The following SPATA13 variants were observed in gnomAD, a reference collection of about 807,000 sequenced individuals.
SPATA13 encodes the protein spermatogenesis associated 13.
SPATA13 carries 50 observed loss-of-function variants against 104.0 expected under a neutral mutation model. The ratio of observed to expected loss-of-function variants is 0.48; its 90% CI spans 0.38 to 0.61. SPATA13 has a LOEUF of 0.61. Among genes scored for constraint, SPATA13 ranks in the 20% least tolerant of loss-of-function variants. The probability of loss-of-function intolerance (pLI) is 0.00; values close to 1 mark genes in which losing one functional copy is unlikely to be tolerated. For synonymous variants in SPATA13, 606 were observed against 667.5 expected, an observed-to-expected ratio of 0.91 and a Z score of 1.42; for missense variants, 1,524 against 1,690.6, an observed-to-expected ratio of 0.90 and a Z score of 1.73.
chr13:24,249,944 C>G, intron 3 of SPATA13, 102 bp downstream of exon 3: 1 of 1,460,006 alleles, frequency 6.8e-7, no homozygotes, highest in Non-Finnish European at 9.2e-7. Context: ...CTCTCCCGTT[C>G]TCAAGGGCGG....
At chr13:24,060,807 A>G (rs1878745667) in intron 3 of SPATA13, among the ~76,000 whole-genome samples, 1 of 152,228 alleles carries the variant, frequency 6.6e-6, no homozygotes, top group Non-Finnish European at 1.5e-5. Context: ...TCATGCCTGT[A>G]ATCCCAGTAC....
intron 1 of SPATA13, among the ~76,000 whole-genome samples, chr13:24,177,970 C>T (rs1868535418): frequency 6.6e-6 from 1 of 152,122 alleles, no homozygotes; most frequent in South Asian, 2.1e-4. Flanking sequence ...GATCCTCCTG[C>T]CTCAGCCTCC....
chr13:24,041,399 T>C (rs1877923976), intron 3 of SPATA13, among the ~76,000 whole-genome samples: 1 of 152,232 alleles, frequency 6.6e-6, no homozygotes, highest in Non-Finnish European at 1.5e-5. Context: ...GCATAATCCA[T>C]GATGCCTATG....
At chr13:23,997,738 G>A (rs1485476595) in intron 2 of SPATA13, among the ~76,000 whole-genome samples, 1 of 152,068 alleles carries the variant, frequency 6.6e-6, no homozygotes, top group Non-Finnish European at 1.5e-5. Flanking sequence ...AGGGAACAAG[G>A]GAGTGAGGGG....
intron 3 of SPATA13, among the ~76,000 whole-genome samples, chr13:24,140,183 G>C (rs930161860): frequency 2.0e-5 from 3 of 152,188 alleles, no homozygotes; most frequent in African/African-American, 7.2e-5. Context: ...CATTGTAGGG[G>C]TACACAGTTC....
intron 8 of SPATA13, among the ~76,000 whole-genome samples, chr13:24,290,310 A>G (rs1234421334): frequency 6.6e-6 from 1 of 152,224 alleles, no homozygotes; most frequent in Non-Finnish European, 1.5e-5. Flanking sequence ...CAGCGAGTTG[A>G]AAAAATTTGT....
chr13:23,991,331 T>A (rs1875406436), intron 2 of SPATA13, among the ~76,000 whole-genome samples: 1 of 152,354 alleles, frequency 6.6e-6, no homozygotes, highest in Non-Finnish European at 1.5e-5. Context: ...GTTTGCAGAA[T>A]GTAGTCACTG....
At position 24,303,627 on chromosome 13, in the gene SPATA13, T is replaced by C. The variant is rs994354611; in HGVS notation, c.*854T>C. 2.0e-5 allele frequency: 3 copies of C among 153,582 alleles called. No individual in the cohort carries two copies. The highest frequency in any genetic ancestry group is 7.2e-5 in the African/African-American group (3 of 41,484). 9.5% of individuals were successfully genotyped at this position (153,582 alleles called of 1,614,324 possible). A position where few individuals can be genotyped will look rare whatever the true frequency, so the allele number is the denominator to read the frequency against. On this transcript the variant is annotated 3_prime_UTR_variant, in exon 13 of 13. Coordinates refer to ENST00000382108, the MANE Select transcript of SPATA13 (RefSeq NM_001166271.3). Reference sequence around the variant, plus strand: ...AACCTAAGAAACTGCTATGCAAGGCTGGGTGCTGTGGCTCATGCCTGTAAT... The same window carrying C: ...AACCTAAGAAACTGCTATGCAAGGCCGGGTGCTGTGGCTCATGCCTGTAAT...
intron 2 of SPATA13, among the ~76,000 whole-genome samples, chr13:24,228,116 T>TTTTC (rs1233664918): frequency 1.1e-5 from 1 of 94,162 alleles, no homozygotes; most frequent in East Asian, 4.1e-4. Context: ...CTCTTTTTTT[T>TTTTC]TTTTTTTTTT....
At chr13:24,272,416 A>T (rs1337382549) in intron 4 of SPATA13, among the ~76,000 whole-genome samples, 1 of 152,190 alleles carries the variant, frequency 6.6e-6, no homozygotes, top group Non-Finnish European at 1.5e-5. Context: ...CCACTCCTAT[A>T]TGCGCTATAC....
chr13:24,164,429 T>C (rs1221324278), intron 1 of SPATA13, among the ~76,000 whole-genome samples: 1 of 152,218 alleles, frequency 6.6e-6, no homozygotes, highest in East Asian at 1.9e-4. Flanking sequence ...CAGCCTGTCT[T>C]GACAGAATGA....
rs1029771177 is a variant in SPATA13, at chr13:24,286,054, T to C, written c.2302-160T>C. ...TTTCTTAGTCTGTTCTCCTGGGTTC[T>C]CTTTGTGTAACCAGTCACATAGTCA... On this transcript the variant is annotated intron_variant, in intron 5 of 12. Transcript: ENST00000382108. The surrounding 1 kb of genome is among the most constrained non-coding windows in gnomAD (Gnocchi z 4.9). 1.3e-5 allele frequency among the ~76,000 whole-genome samples: 2 copies of C among 152,228 alleles called. No homozygotes were observed. The highest frequency in any genetic ancestry group is 4.8e-5 in the African/African-American group (2 of 41,454).
intron 3 of SPATA13, among the ~76,000 whole-genome samples, chr13:24,153,153 A>G (rs1882154551): frequency 6.6e-6 from 1 of 152,218 alleles, no homozygotes; most frequent in Admixed American, 6.5e-5. Flanking sequence ...TCTCCCCATC[A>G]TAAACATTAC....
intron 2 of SPATA13, among the ~76,000 whole-genome samples, chr13:24,240,970 G>A (rs1409362614): frequency 1.3e-5 from 2 of 150,074 alleles, no homozygotes; most frequent in African/African-American, 2.5e-5. Context: ...AGTTTTCTGG[G>A]TTATGATAGT....
chr13:24,122,426 C>T, intron 3 of SPATA13: 1 of 1,594,136 alleles, frequency 6.3e-7, no homozygotes, highest in Non-Finnish European at 8.6e-7. Context: ...GCATCATCTT[C>T]TTACCAGTCT....
intron 3 of SPATA13, among the ~76,000 whole-genome samples, chr13:24,150,284 T>C (rs542397430): frequency 6.6e-6 from 1 of 152,318 alleles, no homozygotes; most frequent in African/African-American, 2.4e-5. Context: ...ATGTCCTCAG[T>C]GCTCTCAAGT....
chr13:24,125,766 A>G (rs571151781), intron 3 of SPATA13, among the ~76,000 whole-genome samples: 119 of 152,322 alleles, frequency 7.8e-4, no homozygotes, highest in Non-Finnish European at 1.2e-3. Flanking sequence ...TGCGCTTTGA[A>G]GGAGCAAAAA....
At chr13:24,292,051 C>T (rs969833684) in intron 9 of SPATA13, among the ~76,000 whole-genome samples, 10 of 152,278 alleles carry the variant, frequency 6.6e-5, no homozygotes, top group South Asian at 4.1e-4. Context: ...CCACCGCGCC[C>T]GGCCTCTCTC....
At position 24,177,046 on chromosome 13, in the gene SPATA13, C is replaced by T. The variant is rs1417872336; in HGVS notation, c.-112+16114C>T. 3.9e-5 allele frequency among the ~76,000 whole-genome samples: 6 copies of T among 152,110 alleles called. No homozygotes were observed. The South Asian group carries it at 1.0e-3, about 26-fold the overall frequency. On this transcript the variant is annotated intron_variant, in intron 1 of 12. Transcript: ENST00000382108. ...TCCCAAAGTGCTGGGATTACAGGCA[C>T]GAGCTGCCGCACCCAGCCTGTAGTA...
Sources: gnomAD v4.1 joint callset for allele counts (sites outside exome capture counted in the v4.1 genomes callset) on GRCh38, gnomAD v4.1.1 for gene constraint, Gnocchi (gnomAD v3.1) non-coding constraint, MANE v1.5 for transcripts, NCBI Gene and HGNC (gene_info 2026-07-23, HGNC 2026-07-21) for gene names.